PIWIL3: variants seen among roughly 807,000 people sequenced by gnomAD.
PIWIL3 encodes the protein piwi like RNA-mediated gene silencing 3.
In PIWIL3, 101 loss-of-function variants were observed where a neutral mutation model predicts 109.7. The ratio of observed to expected loss-of-function variants is 0.92; its 90% CI spans 0.78 to 1.09. The LOEUF is 1.09. Ranked by LOEUF, PIWIL3 falls within the 50% of genes least tolerant of loss-of-function variation. The pLI, the probability that PIWIL3 is intolerant of heterozygous loss-of-function variation, is 0.00. For missense variants in PIWIL3, 1,031 were observed against 1,072.6 expected, an observed-to-expected ratio of 0.96 and a Z score of 0.54; for synonymous variants, 373 against 376.4, an observed-to-expected ratio of 0.99 and a Z score of 0.10.
At chr22:24,757,615 T>TACACACACACACACACACACAC (rs139481317) in intron 4 of PIWIL3, among the ~76,000 whole-genome samples, 16 of 79,442 alleles carry the variant, frequency 2.0e-4, no homozygotes, top group East Asian at 1.7e-3. Context: ...AAAATTTACA[T>TACACACACACACACACACACAC]ACACACACAC....
chr22:24,730,676 T>C (rs1299372956), intron 14 of PIWIL3, among the ~76,000 whole-genome samples: 1 of 152,090 alleles, frequency 6.6e-6, no homozygotes, highest in Non-Finnish European at 1.5e-5. Context: ...AAATATAAGA[T>C]TAAAAGGAAT....
intron 2 of PIWIL3, among the ~76,000 whole-genome samples, chr22:24,761,495 T>C (rs559827887): frequency 6.6e-6 from 1 of 152,280 alleles, no homozygotes; most frequent in South Asian, 2.1e-4. Flanking sequence ...TCTTGATGAA[T>C]GGGAGTGAAC....
At chr22:24,753,466 T>G (rs560635283) in intron 8 of PIWIL3, among the ~76,000 whole-genome samples, 4 of 152,338 alleles carry the variant, frequency 2.6e-5, no homozygotes, top group Non-Finnish European at 5.9e-5. Flanking sequence ...CCTTCTGTAC[T>G]CTATTTCATT....
chr22:24,729,549 A>T (rs924178718), intron 14 of PIWIL3, among the ~76,000 whole-genome samples: 15 of 152,178 alleles, frequency 9.9e-5, no homozygotes, highest in Admixed American at 5.2e-4. Context: ...ATTGGGTTGG[A>T]TTTCCAGTGG....
intron 16 of PIWIL3, among the ~76,000 whole-genome samples, chr22:24,727,217 A>G (rs1923049601): frequency 6.6e-6 from 1 of 152,188 alleles, no homozygotes; most frequent in Non-Finnish European, 1.5e-5. Context: ...ACCTGTTCTA[A>G]TCCCTAGAGC....
rs1240033927 is a variant in PIWIL3 at position 24,754,839 on chromosome 22, G to T, written c.718C>A (p.Gln240Lys). 1.9e-6 allele frequency: 3 copies of T among 1,612,834 alleles called. No individual in the cohort carries two copies. In the South Asian group the frequency reaches 3.3e-5, roughly 18 times the overall value. Residue 240 changes from glutamine to lysine, a missense_variant, in exon 7 of 21, where the codon CAA (glutamine) becomes AAA (lysine). Coordinates refer to ENST00000616349, the MANE Select transcript of PIWIL3 (RefSeq NM_001255975.1). The stretch of plus-strand genomic sequence containing the variant: ...TTGGTATAATAGTTGCGACCAACTT[G>T]TTCAAAATCCAGCAGCTTGAAAGTT... ...RRTFKLLDFE[Q>K]VGRNYYTKKK...
intron 3 of PIWIL3, 86 bp from the exon 4 acceptor site, chr22:24,758,125 G>T: frequency 1.4e-6 from 2 of 1,445,178 alleles, no homozygotes; most frequent in South Asian, 2.7e-5. Flanking sequence ...AAGTTTGTTA[G>T]AGGTAGAAAA....
chr22:24,774,293 G>A (rs1926299627), intron 1 of PIWIL3, 29 bp downstream of exon 1: 1 of 151,960 alleles, frequency 6.6e-6, no homozygotes. Context: ...TATTTACCTA[G>A]TTGTTTGGTA....
intron 12 of PIWIL3, among the ~76,000 whole-genome samples, chr22:24,740,877 CAAAG>C (rs980025361): frequency 8.5e-5 from 13 of 152,074 alleles, no homozygotes; most frequent in South Asian, 4.1e-4. Context: ...TTCCAAAAGA[CAAAG>C]AAAGAAGGAA....
rs200071046 is a variant in PIWIL3, at chr22:24,724,489, CA to C, written c.2231+397del. 8.7e-3 allele frequency among the ~76,000 whole-genome samples: 1,313 copies of C among 151,080 alleles called. 59 individuals are homozygous for C. The highest frequency in any genetic ancestry group is 0.075 in the Admixed American group (1,129 of 15,102). On this transcript the variant is annotated intron_variant, in intron 18 of 20. Transcript: ENST00000616349. ...CACTCTTGTTGCCCAGGCTGGAATG[CA>C]ATGGCGCGATCTCGGCTCACTGCAA... is the stretch of plus-strand genomic sequence containing the variant.
intron 5 of PIWIL3, 24 bp from the exon 6 acceptor site, chr22:24,755,929 A>T: frequency 2.5e-6 from 4 of 1,599,024 alleles, no homozygotes; most frequent in Non-Finnish European, 3.4e-6. Flanking sequence ...AAAACAAAAA[A>T]AAAAGTCCAG....
intron 2 of PIWIL3, 35 bp downstream of exon 2, chr22:24,762,363 C>T: frequency 6.3e-7 from 1 of 1,598,172 alleles, no homozygotes; most frequent in East Asian, 2.2e-5. Context: ...AGGCACATAT[C>T]TCTTGCAGAA....
intron 16 of PIWIL3, 47 bp from the exon 17 acceptor site, chr22:24,725,562 C>T (rs1314816291): frequency 5.6e-6 from 9 of 1,596,472 alleles, no homozygotes; most frequent in Non-Finnish European, 6.9e-6. Context: ...TTCTTAAAAT[C>T]TCATTTGAGT....
chr22:24,766,077 C>T (rs1241344055), intron 1 of PIWIL3, among the ~76,000 whole-genome samples: 1 of 151,698 alleles, frequency 6.6e-6, no homozygotes, highest in Non-Finnish European at 1.5e-5. Flanking sequence ...CCTCAGCCTC[C>T]TGGGTTCAAG....
chr22:24,758,580 G>T (rs1374393746), intron 3 of PIWIL3, among the ~76,000 whole-genome samples: 1 of 152,132 alleles, frequency 6.6e-6, no homozygotes, highest in Non-Finnish European at 1.5e-5. Flanking sequence ...GTGACGAGAG[G>T]CATCCTGAAG....
chr22:24,766,400 G>C (rs1174241750), intron 1 of PIWIL3, among the ~76,000 whole-genome samples: 1 of 151,834 alleles, frequency 6.6e-6, no homozygotes, highest in Non-Finnish European at 1.5e-5. Context: ...CTCACTACAA[G>C]CTCTGTCTGC....
intron 5 of PIWIL3, 102 bp from the exon 6 acceptor site, chr22:24,756,007 C>T (rs1243470901): frequency 8.0e-7 from 1 of 1,243,368 alleles, no homozygotes; most frequent in Non-Finnish European, 1.1e-6. Context: ...TCCAACACAC[C>T]ATCGTGATGG....
Position 24,728,091 on chromosome 22 carries a change from G to A in PIWIL3, c.1906-38C>T, listed in dbSNP as rs369215374. The A allele has an allele frequency of 6.7e-5, 108 of 1,607,766 alleles. No individual in the cohort carries two copies. The African/African-American group carries it at 8.3e-4, about 12-fold the overall frequency. The stretch of plus-strand genomic sequence containing the variant: ...TTTGAAAAGGTAATGGAGTTAGAAC[G>A]TGAGCAAAATTTAAGCATTAACAAT... On this transcript the variant is annotated intron_variant, in intron 15 of 20. Coordinates refer to ENST00000616349, the MANE Select transcript of PIWIL3 (RefSeq NM_001255975.1).
intron 12 of PIWIL3, among the ~76,000 whole-genome samples, chr22:24,737,843 T>C (rs1923755547): frequency 6.6e-6 from 1 of 152,008 alleles, no homozygotes; most frequent in South Asian, 2.1e-4. Flanking sequence ...GTGGTGGCCA[T>C]GGGGTGAGGC....
Sources: allele counts gnomAD v4.1 joint callset (sites outside exome capture counted in the v4.1 genomes callset), GRCh38; gene constraint gnomAD v4.1.1; transcripts MANE v1.5; gene names NCBI Gene and HGNC (gene_info 2026-07-23, HGNC 2026-07-21).